KCNMB2: variants seen among roughly 807,000 people sequenced by gnomAD.
The protein encoded by KCNMB2 is potassium calcium-activated channel subfamily M regulatory beta subunit 2, also known as calcium-activated potassium channel subunit beta-2.
In KCNMB2, 9 loss-of-function variants were observed where a neutral mutation model predicts 24.5. The observed-to-expected ratio is 0.37, with a 90% CI of 0.22 to 0.64. KCNMB2 has a LOEUF of 0.64. KCNMB2 is among the 30% of genes least tolerant of loss of function. The pLI, the probability that KCNMB2 is intolerant of heterozygous loss-of-function variation, is 0.63. For synonymous variants in KCNMB2, 109 were observed against 104.4 expected (o/e 1.04, Z -0.27); for missense variants, 226 against 284.3 (o/e 0.79, Z 1.47).
chr3:178,798,189 G>A (rs1713629658), intron 1 of KCNMB2, among the ~76,000 whole-genome samples: 1 of 152,138 alleles, frequency 6.6e-6, no homozygotes, highest in Non-Finnish European at 1.5e-5. Flanking sequence ...GGAGTGGTGA[G>A]AGAGGGCATC....
intron 1 of KCNMB2, among the ~76,000 whole-genome samples, chr3:178,626,049 T>C (rs2108532374): frequency 6.6e-6 from 1 of 152,290 alleles, no homozygotes; most frequent in South Asian, 2.1e-4. Flanking sequence ...CAGCTGAAGG[T>C]TAATTTCAGA....
intron 2 of KCNMB2, among the ~76,000 whole-genome samples, chr3:178,815,023 ACTGT>A (rs1003582588): frequency 3.6e-5 from 5 of 137,150 alleles, no homozygotes; most frequent in East Asian, 2.0e-4. Flanking sequence ...ACTTTTGAGC[ACTGT>A]CTTTTTTTTT....
At chr3:178,787,342 C>T (rs1250896671) in intron 1 of KCNMB2, among the ~76,000 whole-genome samples, 2 of 152,112 alleles carry the variant, frequency 1.3e-5, no homozygotes, top group East Asian at 3.8e-4. Flanking sequence ...TATGTATTAA[C>T]TCACATATAT....
chr3:178,706,211 A>G (rs1722272521), intron 1 of KCNMB2, among the ~76,000 whole-genome samples: 1 of 152,128 alleles, frequency 6.6e-6, no homozygotes, highest in African/African-American at 2.4e-5. Flanking sequence ...GATCTTCCAC[A>G]AAGTACTGAG....
intron 1 of KCNMB2, among the ~76,000 whole-genome samples, chr3:178,570,187 C>G (rs888473631): frequency 6.6e-6 from 1 of 152,156 alleles, no homozygotes; most frequent in African/African-American, 2.4e-5. Flanking sequence ...CAAGTCATCA[C>G]TATCTTGAAA....
At chr3:178,835,646 G>C (rs1157663114) in intron 4 of KCNMB2, among the ~76,000 whole-genome samples, 2 of 151,830 alleles carry the variant, frequency 1.3e-5, no homozygotes, top group African/African-American at 4.8e-5. Flanking sequence ...ACTAGAAAAA[G>C]TTCCATTGAC....
At chr3:178,759,983 C>A (rs1452339498) in intron 1 of KCNMB2, among the ~76,000 whole-genome samples, 2 of 8,038 alleles carry the variant, frequency 2.5e-4, no homozygotes, top group African/African-American at 1.2e-3. Flanking sequence ...TATATATATC[C>A]AAGAGGATAT....
At chr3:178,834,508 C>G (rs1358398892) in intron 4 of KCNMB2, among the ~76,000 whole-genome samples, 1 of 152,080 alleles carries the variant, frequency 6.6e-6, no homozygotes, top group Non-Finnish European at 1.5e-5. Context: ...TTCCAAGAGG[C>G]ACTTAGGATC....
chr3:178,602,389 A>G (rs1430693261), intron 1 of KCNMB2, among the ~76,000 whole-genome samples: 4 of 152,132 alleles, frequency 2.6e-5, no homozygotes, highest in Non-Finnish European at 5.9e-5. Context: ...CTTCAGTGAA[A>G]TAAAGCTTTA....
At chr3:178,808,186 A>G (rs1174097327) in intron 2 of KCNMB2, among the ~76,000 whole-genome samples, 2 of 152,186 alleles carry the variant, frequency 1.3e-5, no homozygotes, top group Non-Finnish European at 2.9e-5. Context: ...CCTTTGTGCA[A>G]CTCAATCCAG....
intron 1 of KCNMB2, among the ~76,000 whole-genome samples, chr3:178,538,343 C>A (rs1182339869): frequency 6.6e-6 from 1 of 152,196 alleles, no homozygotes; most frequent in Non-Finnish European, 1.5e-5. Context: ...GTGCCCTTGA[C>A]CTTGTGAAGT....
intron 1 of KCNMB2, among the ~76,000 whole-genome samples, chr3:178,553,096 G>T (rs1387240865): frequency 1.3e-5 from 2 of 152,234 alleles, no homozygotes; most frequent in East Asian, 3.9e-4. Flanking sequence ...AATCACAAAA[G>T]AAAATCAATT....
rs543171745 is a variant in KCNMB2 at position 178,554,455 on chromosome 3, T to C, written c.-68+17744T>C. Among the ~76,000 whole-genome samples the C allele has an allele frequency of 2.0e-5, 3 of 152,282 alleles. No individual in the cohort carries two copies. The South Asian group carries it at 6.2e-4, about 32-fold the overall frequency. On this transcript the variant is annotated intron_variant, in intron 1 of 4. Transcript: ENST00000452583. ...TCAAATCACAGTGATATTTAGAGAG[T>C]TCATAAACATGTATTGTTTAAAGAA...
rs532016375 is a variant in KCNMB2, at chr3:178,822,752, G to T, written c.57-2836G>T. Among the ~76,000 whole-genome samples, 13 of 152,218 alleles carry T rather than the reference G, an allele frequency of 8.5e-5. No homozygotes were observed. The East Asian group carries it at 2.5e-3, about 29-fold the overall frequency. ...ATTCCAGAGCATATCAAAAACATTT[G>T]TTAACCACTTTCAAATTGTGATTTG... On this transcript the variant is annotated intron_variant, in intron 2 of 4. Transcript: ENST00000452583.
intron 1 of KCNMB2, among the ~76,000 whole-genome samples, chr3:178,716,971 C>A (rs538749363): frequency 6.6e-6 from 1 of 151,822 alleles, no homozygotes; most frequent in East Asian, 1.9e-4. Flanking sequence ...AAACATAAAG[C>A]CCTGCCTTTT....
chr3:178,704,854 T>C (rs949348613), intron 1 of KCNMB2, among the ~76,000 whole-genome samples: 2 of 152,172 alleles, frequency 1.3e-5, no homozygotes, highest in African/African-American at 4.8e-5. Context: ...AAATGGTATA[T>C]TTGAATGGCC....
Position 178,825,742 on chromosome 3 carries a change from C to A in KCNMB2, c.211C>A (p.Arg71Ser), listed in dbSNP as rs550065789. 1.2e-6 allele frequency: 2 copies of A among 1,612,880 alleles called. No homozygotes were observed. The highest frequency in any genetic ancestry group is 1.3e-5 in the African/African-American group (1 of 75,002). ...MYFLLGITLL[R>S]SYMQSVWTEE... ...TTTTCTGCTGGGAATCACACTCCTG[C>A]GCTCATACATGCAGAGGTAATACCA... The change falls in exon 3 of 5, where the codon CGC becomes AGC. Residue 71 changes from arginine to serine, a missense_variant. Transcript: ENST00000452583.
At chr3:178,785,572 A>G (rs1560021107) in intron 1 of KCNMB2, among the ~76,000 whole-genome samples, 1 of 152,100 alleles carries the variant, frequency 6.6e-6, no homozygotes, top group Non-Finnish European at 1.5e-5. Flanking sequence ...ATAATATTAA[A>G]AAAGCACAAT....
intron 1 of KCNMB2, among the ~76,000 whole-genome samples, chr3:178,538,472 T>C (rs987992590): frequency 6.6e-6 from 1 of 152,196 alleles, no homozygotes; most frequent in East Asian, 1.9e-4. Flanking sequence ...TACAAATCGA[T>C]ATTATTTCTA....
Sources: gnomAD v4.1 joint callset for allele counts (sites outside exome capture counted in the v4.1 genomes callset) on GRCh38, gnomAD v4.1.1 for gene constraint, MANE v1.5 for transcripts, NCBI Gene and HGNC (gene_info 2026-07-23, HGNC 2026-07-21) for gene names.